Variants in RHOJ observed in about 807,000 individuals in gnomAD.
RHOJ encodes the protein ras homolog family member J, also known as rho-related GTP-binding protein RhoJ.
In RHOJ, 11 loss-of-function variants were observed where a neutral mutation model predicts 23.4. That is an observed-to-expected ratio of 0.47 (90% CI 0.30 to 0.78). The LOEUF (loss-of-function observed/expected upper bound fraction) is 0.78, where lower values mean the gene tolerates loss of function less well. Among genes scored for constraint, RHOJ ranks in the 30% least tolerant of loss-of-function variants. RHOJ has a pLI of 0.08. For missense variants in RHOJ, 254 were observed against 273.4 expected, an observed-to-expected ratio of 0.93 and a Z score of 0.50; for synonymous variants, 102 against 102.7, an observed-to-expected ratio of 0.99 and a Z score of 0.04.
intron 1 of RHOJ, among the ~76,000 whole-genome samples, chr14:63,228,719 C>T (rs960511670): frequency 1.3e-5 from 2 of 151,766 alleles, no homozygotes; most frequent in Admixed American, 1.3e-4. Context: ...TCTAAGACAC[C>T]AATCATCTAT....
intron 1 of RHOJ, among the ~76,000 whole-genome samples, chr14:63,222,655 T>C (rs1339031220): frequency 6.6e-6 from 1 of 152,186 alleles, no homozygotes; most frequent in Non-Finnish European, 1.5e-5. Context: ...ATCCTTCACC[T>C]ACTTTTTGAT....
chr14:63,250,615 C>G (rs926459215), intron 1 of RHOJ, among the ~76,000 whole-genome samples: 1 of 152,120 alleles, frequency 6.6e-6, no homozygotes, highest in Admixed American at 6.5e-5. Flanking sequence ...CACACACACA[C>G]AAATACACCA....
intron 3 of RHOJ, among the ~76,000 whole-genome samples, chr14:63,281,602 T>C (rs987471723): frequency 6.6e-6 from 1 of 152,158 alleles, no homozygotes; most frequent in Non-Finnish European, 1.5e-5. Context: ...AGAAGGAAGA[T>C]AAAAATTCAC....
chr14:63,213,444 A>G (rs770833275), intron 1 of RHOJ, among the ~76,000 whole-genome samples: 4 of 152,202 alleles, frequency 2.6e-5, no homozygotes, highest in Non-Finnish European at 5.9e-5. Context: ...AGCTGCATCC[A>G]TGTTGCTGCA....
At chr14:63,228,448 C>A (rs532803786) in intron 1 of RHOJ, among the ~76,000 whole-genome samples, 6 of 152,218 alleles carry the variant, frequency 3.9e-5, no homozygotes, top group Non-Finnish European at 8.8e-5. Context: ...ATCCAACTAT[C>A]TAAGAACAGG....
chr14:63,215,401 C>A (rs931777670), intron 1 of RHOJ, among the ~76,000 whole-genome samples: 5 of 152,154 alleles, frequency 3.3e-5, no homozygotes, highest in African/African-American at 9.7e-5. Context: ...AGATTGCCAA[C>A]AAGAGAAAAA....
Position 63,283,107 on chromosome 14 carries a change from T to A in RHOJ, c.403-14T>A. The stretch of plus-strand genomic sequence containing the variant: ...GAGAAAACAAATAAGTTTTCACGTG[T>A]GTTTTCTTGCCAGATTGATCTCCGT... On this transcript the variant is annotated splice_polypyrimidine_tract_variant and intron_variant, in intron 3 of 4. Transcript: ENST00000316754. 6.2e-7 allele frequency: 1 copy of A among 1,603,696 alleles called. No homozygotes were observed.
At chr14:63,219,990 T>C (rs1175021108) in intron 1 of RHOJ, among the ~76,000 whole-genome samples, 3 of 152,144 alleles carry the variant, frequency 2.0e-5, no homozygotes, top group Non-Finnish European at 2.9e-5. Context: ...TCATCTTTTA[T>C]TAAGAAATAA....
intron 2 of RHOJ, among the ~76,000 whole-genome samples, chr14:63,272,704 C>T (rs149517275): frequency 1.6e-4 from 25 of 152,302 alleles, no homozygotes; most frequent in Middle Eastern, 3.4e-3. Context: ...CCTGCCCCTC[C>T]GCAATTCAGG....
At chr14:63,288,643 T>A (rs1281800141) in intron 4 of RHOJ, among the ~76,000 whole-genome samples, 1 of 152,212 alleles carries the variant, frequency 6.6e-6, no homozygotes, top group African/African-American at 2.4e-5. Flanking sequence ...TTTTTAATTA[T>A]TTAAAAAAGT....
chr14:63,286,690 G>A (rs1882092465), intron 4 of RHOJ, among the ~76,000 whole-genome samples: 1 of 152,198 alleles, frequency 6.6e-6, no homozygotes. Flanking sequence ...CTCATCAACA[G>A]AAACTGTTAA....
At chr14:63,223,146 T>C (rs1309177171) in intron 1 of RHOJ, among the ~76,000 whole-genome samples, 1 of 152,212 alleles carries the variant, frequency 6.6e-6, no homozygotes, top group Non-Finnish European at 1.5e-5. Flanking sequence ...AGATGCTCCA[T>C]CTTGGAGGCA....
chr14:63,214,848 C>T (rs1028311855), intron 1 of RHOJ, among the ~76,000 whole-genome samples: 7 of 152,090 alleles, frequency 4.6e-5, no homozygotes, highest in African/African-American at 1.7e-4. Flanking sequence ...TGCAAAGCTA[C>T]ATATGGGTGA....
chr14:63,231,643 C>A (rs1894697724), intron 1 of RHOJ, among the ~76,000 whole-genome samples: 1 of 152,170 alleles, frequency 6.6e-6, no homozygotes, highest in Admixed American at 6.5e-5. Context: ...GTCACTTAAA[C>A]TCTAAGCTAT....
intron 1 of RHOJ, among the ~76,000 whole-genome samples, chr14:63,268,056 G>A (rs922030174): frequency 6.6e-6 from 1 of 152,210 alleles, no homozygotes; most frequent in Non-Finnish European, 1.5e-5. Flanking sequence ...TAGAGATATG[G>A]TTATAAAAGA....
chr14:63,284,834 GT>G (rs201512659), intron 4 of RHOJ, among the ~76,000 whole-genome samples: 1 of 151,758 alleles, frequency 6.6e-6, no homozygotes, highest in Non-Finnish European at 1.5e-5. Context: ...TGGGGAAGTT[GT>G]TTTTTTTCTG....
In RHOJ at chr14:63,292,776, C is replaced by T. The variant is rs1370899652; in HGVS notation, c.*1752C>T. On this transcript the variant is annotated 3_prime_UTR_variant, in exon 5 of 5. Transcript: ENST00000316754. The stretch of plus-strand genomic sequence containing the variant: ...CCAGCCTGGGTAATATAGTGAGATC[C>T]TGTGTCTCTATAAAAAAATTAAAAA... 1 of 151,752 alleles carries T rather than the reference C, an allele frequency of 6.6e-6. No individual in the cohort carries two copies. Among genetic ancestry groups the T allele is most frequent in the Non-Finnish European group, 1.5e-5 (1 of 67,860 alleles). 9.4% of individuals were successfully genotyped at this position (151,752 alleles called of 1,614,324 possible).
At position 63,256,800 on chromosome 14, in the gene RHOJ, G is replaced by A. The variant is rs139211837; in HGVS notation, c.179-12310G>A. Among the ~76,000 whole-genome samples, 52 of 152,214 alleles carry A rather than the reference G, an allele frequency of 3.4e-4. No individual in the cohort carries two copies. In the East Asian group the frequency reaches 6.6e-3, roughly 19 times the overall value. ...TAAAAATACCAAAAAATGGCCAGGC[G>A]TGGTGGCTCACGCCTGTAGTCCCAA... On this transcript the variant is annotated intron_variant, in intron 1 of 4. Coordinates refer to ENST00000316754, the MANE Select transcript of RHOJ (RefSeq NM_020663.5).
chr14:63,238,728 C>A (rs989780861), intron 1 of RHOJ, among the ~76,000 whole-genome samples: 2 of 152,052 alleles, frequency 1.3e-5, no homozygotes, highest in African/African-American at 2.4e-5. Flanking sequence ...GGCCTATGTA[C>A]TTTCAGTAGT....
Sources: gnomAD v4.1 joint callset for allele counts (sites outside exome capture counted in the v4.1 genomes callset) on GRCh38, gnomAD v4.1.1 for gene constraint, MANE v1.5 for transcripts, NCBI Gene and HGNC (gene_info 2026-07-23, HGNC 2026-07-21) for gene names.